The following SHISA9 variants were observed in gnomAD, a reference collection of about 807,000 sequenced individuals.
SHISA9 encodes protein shisa-9.
Under a neutral mutation model 38.0 loss-of-function variants are expected in SHISA9, and 13 were observed. The observed-to-expected ratio is 0.34, with a 90% confidence interval of 0.22 to 0.54. SHISA9 has a LOEUF of 0.54. Among genes scored for constraint, SHISA9 ranks in the 20% least tolerant of loss-of-function variants. SHISA9 has a pLI of 0.91. For synonymous variants in SHISA9, 275 were observed against 242.0 expected, an observed-to-expected ratio of 1.14 and a Z score of -1.27; for missense variants, 538 against 575.8, an observed-to-expected ratio of 0.93 and a Z score of 0.67.
At chr16:12,915,053 G>A (rs2071236621) in intron 1 of SHISA9, among the ~76,000 whole-genome samples, 1 of 152,200 alleles carries the variant, frequency 6.6e-6, no homozygotes, top group Non-Finnish European at 1.5e-5. Flanking sequence ...CAGTGTGTGG[G>A]CTTAGAGGGC....
intron 2 of SHISA9, among the ~76,000 whole-genome samples, chr16:13,005,752 T>C (rs2072590108): frequency 6.6e-6 from 1 of 152,104 alleles, no homozygotes; most frequent in Non-Finnish European, 1.5e-5. Context: ...CCCAACCACA[T>C]GGCTAGAGAG....
chr16:13,390,036 G>A, the SHISA9 span, among the ~76,000 whole-genome samples: 10 of 152,090 alleles, frequency 6.6e-5, no homozygotes, highest in South Asian at 4.1e-4. Flanking sequence ...CAAAATATAC[G>A]ACTTGAAAAG....
At chr16:13,351,369 CACTG>C in the SHISA9 span, among the ~76,000 whole-genome samples, 13,898 of 152,208 alleles carry the variant, frequency 0.091, 718 homozygotes, top group South Asian at 0.21. Flanking sequence ...ACCTTCAGTT[CACTG>C]ACTGGTGGGT....
chr16:13,300,157 G>C, the SHISA9 span, among the ~76,000 whole-genome samples: 74 of 152,270 alleles, frequency 4.9e-4, no homozygotes, highest in Middle Eastern at 6.8e-3. Context: ...ACAAAGCCTA[G>C]AAGTAGCAGG....
intron 2 of SHISA9, among the ~76,000 whole-genome samples, chr16:12,959,821 C>T (rs758515172): frequency 5.3e-5 from 8 of 152,202 alleles, no homozygotes; most frequent in Non-Finnish European, 8.8e-5. Flanking sequence ...CTGCTGCCCT[C>T]GCCTTTCAGC....
chr16:13,511,266 C>A, the SHISA9 span, among the ~76,000 whole-genome samples: 1 of 152,290 alleles, frequency 6.6e-6, no homozygotes, highest in South Asian at 2.1e-4. Flanking sequence ...GGAATTCACA[C>A]ACAGTTGTGA....
the SHISA9 span, among the ~76,000 whole-genome samples, chr16:13,501,177 T>C: frequency 6.6e-6 from 1 of 152,182 alleles, no homozygotes; most frequent in Non-Finnish European, 1.5e-5. Flanking sequence ...CAGACATTTT[T>C]GCTTGTCACA....
intron 2 of SHISA9, among the ~76,000 whole-genome samples, chr16:13,075,186 A>T (rs1034394827): frequency 3.9e-5 from 6 of 152,204 alleles, no homozygotes; most frequent in African/African-American, 1.2e-4. Flanking sequence ...TCTGGGAGGT[A>T]GGACCACTGT....
chr16:13,294,120 T>C, the SHISA9 span, among the ~76,000 whole-genome samples: 2 of 152,222 alleles, frequency 1.3e-5, no homozygotes, highest in African/African-American at 2.4e-5. Context: ...CCTAGAAACA[T>C]ATGCAATATC....
intron 2 of SHISA9, among the ~76,000 whole-genome samples, chr16:13,132,767 C>A (rs1349390369): frequency 6.6e-6 from 1 of 152,068 alleles, no homozygotes; most frequent in Non-Finnish European, 1.5e-5. Context: ...TGAGTGAGAC[C>A]CTCTCACTGA....
chr16:13,489,594 T>C, the SHISA9 span, among the ~76,000 whole-genome samples: 1 of 152,296 alleles, frequency 6.6e-6, no homozygotes, highest in Admixed American at 6.5e-5. Context: ...TGAGATCTGA[T>C]GATGTTATAA....
chr16:13,411,257 A>T, the SHISA9 span, among the ~76,000 whole-genome samples: 1 of 152,204 alleles, frequency 6.6e-6, no homozygotes, highest in Non-Finnish European at 1.5e-5. Flanking sequence ...AAAAAATGGG[A>T]ATGGCAGTTG....
the SHISA9 span, among the ~76,000 whole-genome samples, chr16:13,400,779 G>A: frequency 6.6e-6 from 1 of 152,312 alleles, no homozygotes; most frequent in Non-Finnish European, 1.5e-5. Flanking sequence ...AATAAGCCAG[G>A]TGCTGCAGGA....
At chr16:13,429,093 TGGG>T in the SHISA9 span, among the ~76,000 whole-genome samples, 1 of 152,160 alleles carries the variant, frequency 6.6e-6, no homozygotes. Flanking sequence ...ACTAGGCAGC[TGGG>T]TGGAGGATGG....
intron 2 of SHISA9, among the ~76,000 whole-genome samples, chr16:13,100,822 C>T (rs904080061): frequency 3.3e-5 from 5 of 152,198 alleles, no homozygotes; most frequent in South Asian, 2.1e-4. Context: ...ATTCTCCTGC[C>T]TCAGCCTCCC....
At chr16:13,454,507 C>T in the SHISA9 span, among the ~76,000 whole-genome samples, 1 of 152,200 alleles carries the variant, frequency 6.6e-6, no homozygotes, top group African/African-American at 2.4e-5. Context: ...CTATCTCTCA[C>T]AATAATTCTA....
intron 2 of SHISA9, among the ~76,000 whole-genome samples, chr16:13,027,437 C>T (rs1029590670): frequency 1.3e-4 from 20 of 152,104 alleles, no homozygotes; most frequent in African/African-American, 4.3e-4. Context: ...CAATTTTACT[C>T]CTCTGTATCT....
At chr16:13,179,560 C>T (rs1488986523) in intron 2 of SHISA9, among the ~76,000 whole-genome samples, 1 of 152,188 alleles carries the variant, frequency 6.6e-6, no homozygotes, top group Non-Finnish European at 1.5e-5. Flanking sequence ...AATCAAAGCT[C>T]TCTTCCTTGC....
the SHISA9 span, among the ~76,000 whole-genome samples, chr16:13,294,510 C>T: frequency 2.0e-5 from 3 of 152,196 alleles, no homozygotes; most frequent in African/African-American, 7.2e-5. Context: ...GGCTTCAACT[C>T]AAAACCAGTG....
Sources: allele counts gnomAD v4.1 joint callset (sites outside exome capture counted in the v4.1 genomes callset), GRCh38; gene constraint gnomAD v4.1.1; transcripts MANE v1.5; gene names NCBI Gene and HGNC (gene_info 2026-07-23, HGNC 2026-07-21).